Variants in FAAH2 observed in about 807,000 individuals in gnomAD.
The protein encoded by FAAH2 is fatty-acid amide hydrolase 2.
A neutral mutation model predicts 36.9 loss-of-function variants in FAAH2; 60 were observed. The ratio of observed to expected loss-of-function variants is 1.63; its 90% CI spans 1.32 to 2.02. The LOEUF is 2.02. Ranked by LOEUF, FAAH2 falls within the 30% of genes most tolerant of loss-of-function variation. The probability of loss-of-function intolerance (pLI) is 0.00; values close to 1 mark genes in which losing one functional copy is unlikely to be tolerated. For missense variants in FAAH2, 689 were observed against 397.5 expected (o/e 1.73, Z -6.23); for synonymous variants, 214 against 143.8 (o/e 1.49, Z -3.49).
chrX:57,141,223 T>C, the FAAH2 span, among the ~76,000 whole-genome samples: 1 of 112,476 alleles, frequency 8.9e-6, no homozygotes, highest in Non-Finnish European at 1.9e-5. Flanking sequence ...ATTCTATTTA[T>C]GTGATATATC....
the FAAH2 span, among the ~76,000 whole-genome samples, chrX:57,146,243 CA>C: frequency 9.0e-6 from 1 of 110,657 alleles, no homozygotes; most frequent in African/African-American, 3.3e-5. Flanking sequence ...TGACTTTTTT[CA>C]GCAGTGTTTT....
chrX:57,223,505 C>A, the FAAH2 span, among the ~76,000 whole-genome samples: 5 of 111,495 alleles, frequency 4.5e-5, no homozygotes. Context: ...GCCCTATTCT[C>A]ACTTGCCCTC....
chrX:57,363,282 T>C (rs2054330342), intron 5 of FAAH2, among the ~76,000 whole-genome samples: 1 of 111,784 alleles, frequency 8.9e-6, no homozygotes, highest in African/African-American at 3.2e-5. Flanking sequence ...TAGAAAACTT[T>C]CACCTCCCTG....
At chrX:57,183,120 C>T in the FAAH2 span, among the ~76,000 whole-genome samples, 3 of 110,748 alleles carry the variant, frequency 2.7e-5, no homozygotes, top group Non-Finnish European at 5.7e-5. Flanking sequence ...TACAAGGCTT[C>T]GTACCTTGGT....
intron 10 of FAAH2, among the ~76,000 whole-genome samples, chrX:57,479,859 C>A (rs1361744425): frequency 1.8e-5 from 2 of 110,623 alleles, no homozygotes; most frequent in Non-Finnish European, 3.8e-5. Context: ...ATTGATAGAC[C>A]ACTAGCAAGA....
chrX:57,475,327 G>C (rs1050417431), intron 10 of FAAH2, among the ~76,000 whole-genome samples: 2 of 111,787 alleles, frequency 1.8e-5, no homozygotes, highest in African/African-American at 6.5e-5. Flanking sequence ...ATGGTTTTGG[G>C]TTTTACATTT....
intron 3 of FAAH2, among the ~76,000 whole-genome samples, chrX:57,325,217 G>C (rs1307178868): frequency 8.9e-6 from 1 of 111,861 alleles, no homozygotes; most frequent in East Asian, 2.8e-4. Context: ...TAAGCTTTTA[G>C]ATGTGCTGCT....
intron 7 of FAAH2, among the ~76,000 whole-genome samples, chrX:57,410,419 A>G (rs1361161740): frequency 2.7e-5 from 3 of 111,144 alleles, no homozygotes; most frequent in Non-Finnish European, 5.7e-5. Flanking sequence ...TTCCTTGTTG[A>G]TATTCTCTCC....
At chrX:57,344,625 G>C (rs750071743) in intron 5 of FAAH2, among the ~76,000 whole-genome samples, 1 of 111,117 alleles carries the variant, frequency 9.0e-6, no homozygotes, top group African/African-American at 3.3e-5. Context: ...GTATTATGTT[G>C]AATAGGAGTG....
intron 7 of FAAH2, chrX:57,393,774 T>C: frequency 1.1e-6 from 1 of 927,748 alleles, no homozygotes; most frequent in South Asian, 2.0e-5. Context: ...AAGTGGACCG[T>C]CTGTGTGTGA....
the FAAH2 span, among the ~76,000 whole-genome samples, chrX:57,198,948 G>A: frequency 4.5e-5 from 5 of 112,109 alleles, no homozygotes; most frequent in East Asian, 1.4e-3. Flanking sequence ...ACAGTTTTTT[G>A]TGGTGTTTTA....
intron 7 of FAAH2, among the ~76,000 whole-genome samples, chrX:57,424,717 A>G (rs1228837607): frequency 8.9e-6 from 1 of 112,285 alleles, no homozygotes; most frequent in Non-Finnish European, 1.9e-5. Flanking sequence ...CATATCTCCA[A>G]AGGGAATAAA....
chrX:57,409,581 G>A (rs1276965524), intron 7 of FAAH2, among the ~76,000 whole-genome samples: 2 of 110,834 alleles, frequency 1.8e-5, no homozygotes, highest in African/African-American at 3.3e-5. Context: ...TTATTGGTGT[G>A]TTCAGACTTT....
the FAAH2 span, among the ~76,000 whole-genome samples, chrX:57,252,533 G>C: frequency 1.8e-5 from 2 of 111,958 alleles, no homozygotes; most frequent in Non-Finnish European, 3.8e-5. Context: ...CTGGCATCTA[G>C]AGGTTGCCCC....
At chrX:57,393,863 A>G (rs140091652) in intron 7 of FAAH2, 7 of 995,949 alleles carry the variant, frequency 7.0e-6, no homozygotes, top group East Asian at 3.1e-5. Context: ...TTGCCAAGCT[A>G]TGGTTTCTGG....
chrX:57,455,229 A>T (rs1268176928), intron 10 of FAAH2, among the ~76,000 whole-genome samples: 1 of 111,422 alleles, frequency 9.0e-6, no homozygotes, highest in East Asian at 2.8e-4. Flanking sequence ...GAGAAATAAA[A>T]TTCTTCCCAG....
At chrX:57,219,913 A>T in the FAAH2 span, among the ~76,000 whole-genome samples, 2 of 93,115 alleles carry the variant, frequency 2.1e-5, no homozygotes, top group Non-Finnish European at 4.1e-5. Context: ...CCACAATATG[A>T]ATTAAATAAT....
the FAAH2 span, among the ~76,000 whole-genome samples, chrX:57,187,082 T>G: frequency 9.0e-6 from 1 of 111,657 alleles, no homozygotes; most frequent in Non-Finnish European, 1.9e-5. Flanking sequence ...TGTAAAGTAG[T>G]TTTTTCTAGT....
At chrX:57,409,822 C>T (rs2055656225) in intron 7 of FAAH2, among the ~76,000 whole-genome samples, 1 of 109,776 alleles carries the variant, frequency 9.1e-6, no homozygotes, top group Non-Finnish European at 1.9e-5. Context: ...AATGTTTTCT[C>T]AATGTTGTTC....
Sources: gnomAD v4.1 joint callset for allele counts (sites outside exome capture counted in the v4.1 genomes callset) on GRCh38, gnomAD v4.1.1 for gene constraint, MANE v1.5 for transcripts, NCBI Gene and HGNC (gene_info 2026-07-23, HGNC 2026-07-21) for gene names.